The following AOAH variants were observed in gnomAD, a reference collection of about 807,000 sequenced individuals.
AOAH encodes the protein acyloxyacyl hydrolase, also known as acyloxyacyl hydrolase (neutrophil).
AOAH carries 64 observed loss-of-function variants against 92.2 expected under a neutral mutation model. The observed-to-expected ratio is 0.69, with a 90% CI of 0.57 to 0.86. AOAH has a LOEUF of 0.86. AOAH is among the 40% of genes least tolerant of loss of function. The pLI is 0.00. For synonymous variants in AOAH, 263 were observed against 254.5 expected (o/e 1.03, Z -0.32); for missense variants, 656 against 694.6 (o/e 0.94, Z 0.62).
intron 8 of AOAH, 147 bp downstream of exon 8, chr7:36,621,563 T>C: frequency 1.2e-6 from 1 of 824,864 alleles, no homozygotes; most frequent in Non-Finnish European, 2.0e-6. Context: ...AATGCCGTTC[T>C]TTTTTCACTG....
At chr7:36,561,804 A>G (rs6972575) in intron 13 of AOAH, among the ~76,000 whole-genome samples, 148,503 of 152,240 alleles carry the variant, frequency 0.98, 72,538 homozygotes, top group East Asian at 1. Flanking sequence ...GAGGTGCAGA[A>G]CACCCACAGA....
At chr7:36,550,032 C>A (rs2116325861) in intron 13 of AOAH, 1 of 152,662 alleles carries the variant, frequency 6.6e-6, no homozygotes, top group East Asian at 1.9e-4. Context: ...CTGCCCCAAT[C>A]CCCGTTACCA....
In AOAH at chr7:36,632,061, C is replaced by T. The variant is rs3735384; in HGVS notation, c.496G>A (p.Ala166Thr). 3,741 of 1,612,666 alleles carry T rather than the reference C, an allele frequency of 2.3e-3. 60 individuals are homozygous for T. The East Asian group carries it at 0.04, about 17-fold the overall frequency. ...AATTTAATTTTCTGGCAGATCTTGG[C>T]CAAAACCGGGAGTGAACAAATGTCA... ...GSDICSLPVL[A>T]KICQKIKLAM... is the part of the protein sequence containing the mutation. The change falls in exon 6 of 21, where the codon GCC (alanine) becomes ACC (threonine). Residue 166 changes from alanine (A) to threonine (T), a missense_variant. Ala to Thr is a moderately conservative substitution (Grantham distance 58). Coordinates refer to ENST00000617537, the MANE Select transcript of AOAH (RefSeq NM_001637.4).
intron 16 of AOAH, among the ~76,000 whole-genome samples, chr7:36,538,488 A>G (rs1161160017): frequency 6.6e-6 from 1 of 152,210 alleles, no homozygotes; most frequent in Non-Finnish European, 1.5e-5. Flanking sequence ...TGGCGTAACC[A>G]GAGTTCATGG....
At chr7:36,723,803 G>A (rs1400790541) in intron 1 of AOAH, among the ~76,000 whole-genome samples, 1 of 152,140 alleles carries the variant, frequency 6.6e-6, no homozygotes, top group Non-Finnish European at 1.5e-5. Flanking sequence ...AGAGTTTTAT[G>A]CCCAATTTAA....
At chr7:36,517,224 C>CTTTCTTTCTTTCTTTTTCTCTT (rs1229778638) in intron 20 of AOAH, among the ~76,000 whole-genome samples, 1 of 47,588 alleles carries the variant, frequency 2.1e-5, no homozygotes, top group African/African-American at 5.1e-5. Context: ...CTCTTTCTTT[C>CTTTCTTTCTTTCTTTTTCTCTT]TGTCTCTCTC....
intron 6 of AOAH, among the ~76,000 whole-genome samples, chr7:36,625,041 A>G (rs952290310): frequency 6.6e-6 from 1 of 151,732 alleles, no homozygotes; most frequent in African/African-American, 2.4e-5. Flanking sequence ...GGGATGAGTG[A>G]GTGCTGGTTA....
chr7:36,536,178 G>A (rs1362011305), intron 16 of AOAH, among the ~76,000 whole-genome samples: 1 of 152,154 alleles, frequency 6.6e-6, no homozygotes, highest in Non-Finnish European at 1.5e-5. Context: ...TGCCTTCACT[G>A]GTTGCTCAGG....
At chr7:36,604,568 G>A (rs1790853456) in intron 11 of AOAH, among the ~76,000 whole-genome samples, 1 of 152,202 alleles carries the variant, frequency 6.6e-6, no homozygotes, top group South Asian at 2.1e-4. Flanking sequence ...TGAGAAAGAA[G>A]TGATATTTGC....
chr7:36,600,907 G>T (rs959255555), intron 11 of AOAH, among the ~76,000 whole-genome samples: 9 of 152,146 alleles, frequency 5.9e-5, no homozygotes, highest in Non-Finnish European at 1.3e-4. Flanking sequence ...TATGGAGACC[G>T]TGTCTAATTT....
chr7:36,622,403 G>A (rs1406302430), intron 7 of AOAH, among the ~76,000 whole-genome samples: 1 of 152,186 alleles, frequency 6.6e-6, no homozygotes. Flanking sequence ...CCTGAATGAT[G>A]TGAATCAAGA....
intron 1 of AOAH, among the ~76,000 whole-genome samples, chr7:36,720,748 T>C (rs1014333991): frequency 3.3e-5 from 5 of 152,164 alleles, no homozygotes; most frequent in Non-Finnish European, 7.4e-5. Context: ...GTGAATTTCC[T>C]GAAGACAGAC....
chr7:36,620,170 A>G (rs1226078037), intron 9 of AOAH, among the ~76,000 whole-genome samples: 1 of 152,174 alleles, frequency 6.6e-6, no homozygotes, highest in Non-Finnish European at 1.5e-5. Context: ...TGTATTTTTA[A>G]GTAGATATTC....
chr7:36,514,569 CTTT>C, intron 20 of AOAH: 1 of 1,535,758 alleles, frequency 6.5e-7, no homozygotes. Flanking sequence ...ATTAATATGC[CTTT>C]GAGGAGGATG....
At chr7:36,606,070 G>A (rs1790979465) in intron 11 of AOAH, among the ~76,000 whole-genome samples, 1 of 152,166 alleles carries the variant, frequency 6.6e-6, no homozygotes, top group African/African-American at 2.4e-5. Context: ...AATATAATAA[G>A]AAAGCACTAT....
At chr7:36,571,371 A>AC (rs2116588576) in intron 13 of AOAH, among the ~76,000 whole-genome samples, 1 of 152,130 alleles carries the variant, frequency 6.6e-6, no homozygotes, top group African/African-American at 2.4e-5. Context: ...TTAAGCCTCC[A>AC]CCCCCAGCAC....
rs535063502 is a variant in AOAH at position 36,614,670 on chromosome 7, T to C, written c.846+1710A>G. Among the ~76,000 whole-genome samples the C allele has an allele frequency of 2.5e-4, 38 of 152,134 alleles. No individual in the cohort carries two copies. The highest frequency in any genetic ancestry group is 3.2e-4 in the Non-Finnish European group (22 of 68,028). ...ATGGGGGAGGCCTGTGTTCCAATGT[T>C]AACCTTTGGTCCTTTTGGGAATCTG... On this transcript the variant is annotated intron_variant, in intron 11 of 20. Transcript: ENST00000617537. This position sits in a 1 kb window ranked among gnomAD's most constrained non-coding sequence, Gnocchi z 4.2.
At chr7:36,660,247 C>T (rs1172440103) in intron 3 of AOAH, among the ~76,000 whole-genome samples, 25 of 152,246 alleles carry the variant, frequency 1.6e-4, no homozygotes, top group East Asian at 3.8e-4. Flanking sequence ...TCTCTTCACA[C>T]GGACGTGCTT....
At chr7:36,533,481 C>T (rs956286082) in intron 16 of AOAH, among the ~76,000 whole-genome samples, 2 of 152,100 alleles carry the variant, frequency 1.3e-5, no homozygotes, top group African/African-American at 2.4e-5. Context: ...AAGCCACAGG[C>T]TCATTATGGC....
Sources: gnomAD v4.1 joint callset for allele counts (sites outside exome capture counted in the v4.1 genomes callset) on GRCh38, gnomAD v4.1.1 for gene constraint, Gnocchi (gnomAD v3.1) non-coding constraint, MANE v1.5 for transcripts, NCBI Gene and HGNC (gene_info 2026-07-23, HGNC 2026-07-21) for gene names.